The following RPGR variants were observed in gnomAD, a reference collection of about 807,000 sequenced individuals.
The protein encoded by RPGR is retinitis pigmentosa GTPase regulator, also known as X-linked retinitis pigmentosa GTPase regulator.
RPGR carries 10 observed loss-of-function variants against 56.3 expected under a neutral mutation model. The observed-to-expected ratio is 0.18, with a 90% CI of 0.11 to 0.30. RPGR has a LOEUF of 0.30. RPGR is among the 10% of genes least tolerant of loss of function. The probability of loss-of-function intolerance (pLI) is 1.00; values close to 1 mark genes in which losing one functional copy is unlikely to be tolerated. For synonymous variants in RPGR, 197 were observed against 212.9 expected (o/e 0.93, Z 0.65); for missense variants, 538 against 590.9 (o/e 0.91, Z 0.93).
chrX:38,297,522 A>T lies in RPGR; in HGVS notation c.1246-70T>A, dbSNP rs140857149. ...ATTTAATATTGATATAAACTTTCCT[A>T]AAAGTTGCTAAAATATTTAAGAGAA... On this transcript the variant is annotated intron_variant, in intron 10 of 18. Coordinates refer to ENST00000642395, the MANE Select transcript of RPGR (RefSeq NM_000328.3). 1.2e-3 allele frequency: 1,076 copies of T among 918,684 alleles called. 3 individuals carry two copies. The African/African-American group carries it at 0.019, about 16-fold the overall frequency. 75.7% of individuals were successfully genotyped at this position (918,684 alleles called of 1,213,427 possible). A position where few individuals can be genotyped will look rare whatever the true frequency, so the allele number is the denominator to read the frequency against.
intron 7 of RPGR, among the ~76,000 whole-genome samples, chrX:38,305,577 C>G (rs1287945316): frequency 9.2e-6 from 1 of 108,441 alleles, no homozygotes; most frequent in East Asian, 2.9e-4. Flanking sequence ...GAAACCCTGT[C>G]TCTACTAAAA....
At chrX:38,304,823 T>C (rs2067566226) in intron 7 of RPGR, 33 bp from the exon 8 acceptor site, 2 of 1,177,892 alleles carry the variant, frequency 1.7e-6, no homozygotes, top group Non-Finnish European at 2.3e-6. Flanking sequence ...AAGACAAGGA[T>C]TATGGAAGCA....
intron 11 of RPGR, among the ~76,000 whole-genome samples, chrX:38,295,522 T>C (rs578137998): frequency 8.9e-6 from 1 of 112,316 alleles, no homozygotes. Context: ...CCCTAAACCA[T>C]AAATGTATTT....
intron 4 of RPGR, 136 bp downstream of exon 4, chrX:38,320,891 G>A: frequency 1.9e-6 from 1 of 521,081 alleles, no homozygotes; most frequent in Non-Finnish European, 3.4e-6. Flanking sequence ...ACGTGTACTA[G>A]CCATTGACAT....
In RPGR at chrX:38,310,635, T is replaced by C. The variant is rs963995545; in HGVS notation, c.758A>G (p.Glu253Gly). The C allele has an allele frequency of 1.7e-6, 2 of 1,209,037 alleles. No homozygotes were observed. Among genetic ancestry groups the C allele is most frequent in the African/African-American group, 1.8e-5 (1 of 56,903 alleles). The change falls in exon 7 of 19, where the codon GAG (glutamate) becomes GGG (glycine). Residue 253 changes from glutamate (E) to glycine (G), a missense_variant. Transcript: ENST00000642395. ...CATACCCGTGAGAACCACAGTATGCTCTCCACCACAGGCTACTTGGATCAC... is the reference window on the plus strand; with the variant it reads ...CATACCCGTGAGAACCACAGTATGCCCTCCACCACAGGCTACTTGGATCAC...
chrX:38,323,714 T>C (rs2067991471), intron 1 of RPGR, among the ~76,000 whole-genome samples, 190 bp from the exon 2 acceptor site: 2 of 112,166 alleles, frequency 1.8e-5, no homozygotes, highest in Non-Finnish European at 1.9e-5. Flanking sequence ...ATTCTAGTTT[T>C]ATCTATGAAA....
chrX:38,270,114 C>T (rs2066811505), intron 18 of RPGR, among the ~76,000 whole-genome samples: 1 of 111,416 alleles, frequency 9.0e-6, no homozygotes, highest in African/African-American at 3.3e-5. Flanking sequence ...TTTAATGTTT[C>T]ACTTTGTTAA....
intron 11 of RPGR, among the ~76,000 whole-genome samples, chrX:38,291,826 C>A (rs921741798): frequency 5.3e-5 from 6 of 112,178 alleles, no homozygotes; most frequent in African/African-American, 1.9e-4. Flanking sequence ...TCCTGGTGTT[C>A]ATACTCTTGT....
intron 15 of RPGR, among the ~76,000 whole-genome samples, chrX:38,280,211 T>C (rs1219071201): frequency 8.9e-6 from 1 of 112,028 alleles, no homozygotes; most frequent in East Asian, 2.8e-4. Context: ...TGTATATAAG[T>C]ATAAATAATT....
chrX:38,278,314 C>T lies in RPGR; in HGVS notation c.1906-1542G>A, dbSNP rs186988028. ...GGAGTGCAGTGGCACAATCTTGGCT[C>T]ACTGCAACCTCCACCTCCCGGGTTG... is the stretch of plus-strand genomic sequence containing the variant. On this transcript the variant is annotated intron_variant, in intron 15 of 18. Coordinates refer to ENST00000642395, the MANE Select transcript of RPGR (RefSeq NM_000328.3). 7.5e-3 allele frequency among the ~76,000 whole-genome samples: 845 copies of T among 112,471 alleles called. 9 individuals carry two copies. Among genetic ancestry groups the T allele is most frequent in the African/African-American group, 0.026 (819 of 30,975 alleles).
At chrX:38,298,885 C>T in intron 10 of RPGR, 71 bp downstream of exon 10, 1 of 1,099,013 alleles carries the variant, frequency 9.1e-7, no homozygotes, top group Non-Finnish European at 1.3e-6. Context: ...AAAAAGAAAA[C>T]AGATTTTTTT....
rs768546451 is a variant in RPGR at position 38,323,505 on chromosome X, T to C, written c.48A>G (p.Thr16=). The C allele has an allele frequency of 8.3e-7, 1 of 1,209,151 alleles. No individual in the cohort carries two copies. ...TTTCAGCAAATTTACTTTTCCCAAATGTAAACACAGCACCCGAATCTGCAA... is the reference window on the plus strand; with the variant it reads ...TTTCAGCAAATTTACTTTTCCCAAACGTAAACACAGCACCCGAATCTGCAA... The change falls in exon 2 of 19, where the codon ACA becomes ACG. Residue 16 remains threonine, a synonymous_variant. Coordinates refer to ENST00000642395, the MANE Select transcript of RPGR (RefSeq NM_000328.3).
chrX:38,272,961 G>GT (rs2066869205), intron 18 of RPGR, among the ~76,000 whole-genome samples: 3 of 110,642 alleles, frequency 2.7e-5, no homozygotes. Context: ...CATACGATTT[G>GT]TGATGTTAAA....
At position 38,286,069 on chromosome X, in the gene RPGR, C is replaced by A. The variant is rs1234506102; in HGVS notation, c.1905+1025G>T. On this transcript the variant is annotated intron_variant, in intron 15 of 18. Transcript: ENST00000642395. ...TTCCTCCTCTTCCCCCTCCCCTTCT[C>A]CTTCCTCCCCTTCCCCTTCTCCTTC... 1 of 380,936 alleles carries A rather than the reference C, an allele frequency of 2.6e-6. No individual in the cohort carries two copies. The highest frequency in any genetic ancestry group is 3.7e-6 in the Non-Finnish European group (1 of 273,327). The allele number at this position is 380,936 out of a possible 1,213,427, so 31.4% of individuals were successfully genotyped here. A position where few individuals can be genotyped will look rare whatever the true frequency, so the allele number is the denominator to read the frequency against.
At chrX:38,319,106 C>T (rs1240673542) in intron 4 of RPGR, 119 bp from the exon 5 acceptor site, 2 of 734,251 alleles carry the variant, frequency 2.7e-6, no homozygotes, top group Admixed American at 2.7e-5. Flanking sequence ...TATCACTATC[C>T]TATTATTTGG....
rs41305223 is a variant in RPGR at position 38,301,273 on chromosome X, T to C, written c.1033A>G (p.Asn345Asp). The change falls in exon 9 of 19, where the codon AAT becomes GAT. Residue 345 changes from asparagine (N) to aspartate (D), a missense_variant. Coordinates refer to ENST00000642395, the MANE Select transcript of RPGR (RefSeq NM_000328.3). Reference sequence around the variant, plus strand: ...AATTTAACTATAAACCTCAAAAAATTAGAGCACAAAGTAGGAATGAAGTGA... The same window carrying C: ...AATTTAACTATAAACCTCAAAAAATCAGAGCACAAAGTAGGAATGAAGTGA... The C allele has an allele frequency of 0.01, 12,110 of 1,203,141 alleles. 51 individuals carry two copies. The highest frequency in any genetic ancestry group is 0.012 in the Non-Finnish European group (10,967 of 889,682).
chrX:38,276,591 T>G lies in RPGR; in HGVS notation c.2087A>C (p.Glu696Ala). Reference sequence around the variant, plus strand: ...TTTAAGCATCTATCATCATACCTTTTCAATAGTTTCAGCTGAGCTATCATC... The same window carrying G: ...TTTAAGCATCTATCATCATACCTTTGCAATAGTTTCAGCTGAGCTATCATC... Residue 696 changes from glutamate (E) to alanine (A), a missense_variant, in exon 16 of 19, where the codon GAA becomes GCA. By Grantham distance (107) the Glu-to-Ala change is moderately radical. Transcript: ENST00000642395. 8.3e-7 allele frequency: 1 copy of G among 1,210,377 alleles called. No homozygotes were observed. The highest frequency in any genetic ancestry group is 1.1e-6 in the Non-Finnish European group (1 of 894,499).
intron 11 of RPGR, among the ~76,000 whole-genome samples, chrX:38,292,058 T>C (rs957741068): frequency 1.8e-5 from 2 of 110,225 alleles, no homozygotes; most frequent in African/African-American, 6.6e-5. Context: ...TAGGAGTCCA[T>C]GTTGTGAGCA....
intron 15 of RPGR, chrX:38,285,671 T>A (rs774727813): frequency 1.7e-6 from 2 of 1,209,577 alleles, no homozygotes; most frequent in East Asian, 3.0e-5. Flanking sequence ...CCCTGTGTGT[T>A]AGTAACTGAC....
Sources: allele counts gnomAD v4.1 joint callset (sites outside exome capture counted in the v4.1 genomes callset), GRCh38; gene constraint gnomAD v4.1.1; transcripts MANE v1.5; gene names NCBI Gene and HGNC (gene_info 2026-07-23, HGNC 2026-07-21).